MYO5A: variants seen among roughly 807,000 people sequenced by gnomAD.
The protein encoded by MYO5A is unconventional myosin-Va.
In MYO5A, 98 loss-of-function variants were observed where a neutral mutation model predicts 249.7. That is an observed-to-expected ratio of 0.39 (90% confidence interval 0.33 to 0.46). The LOEUF is 0.46. Ranked by LOEUF, MYO5A falls within the 20% of genes least tolerant of loss-of-function variation. The probability of loss-of-function intolerance (pLI) is 0.98; values close to 1 mark genes in which losing one functional copy is unlikely to be tolerated. For missense variants in MYO5A, 1,696 were observed against 2,308.8 expected, an observed-to-expected ratio of 0.73 and a Z score of 5.44; for synonymous variants, 778 against 810.6, an observed-to-expected ratio of 0.96 and a Z score of 0.68.
chr15:52,463,270 T>C (rs1164753163), intron 1 of MYO5A, among the ~76,000 whole-genome samples: 5 of 152,214 alleles, frequency 3.3e-5, no homozygotes, highest in Non-Finnish European at 5.9e-5. Flanking sequence ...GACCACACTT[T>C]CTTCATCAAG....
intron 7 of MYO5A, 112 bp from the exon 8 acceptor site, chr15:52,407,511 A>C: frequency 1.7e-6 from 1 of 581,940 alleles, no homozygotes; most frequent in Non-Finnish European, 3.1e-6. Flanking sequence ...TACAGCATCT[A>C]GAGTTTGACT....
At chr15:52,410,904 CT>C (rs2043219812) in intron 5 of MYO5A, among the ~76,000 whole-genome samples, 1 of 152,202 alleles carries the variant, frequency 6.6e-6, no homozygotes, top group Non-Finnish European at 1.5e-5. Flanking sequence ...AACAGAACCA[CT>C]TTTGCCACTG....
intron 1 of MYO5A, among the ~76,000 whole-genome samples, chr15:52,450,496 G>A (rs1168546713): frequency 6.6e-6 from 1 of 151,546 alleles, no homozygotes; most frequent in Non-Finnish European, 1.5e-5. Flanking sequence ...GTGAAACCCT[G>A]TCTCTACCAA....
At position 52,527,513 on chromosome 15, in the gene MYO5A, A is replaced by T. The variant is rs567897991; in HGVS notation, c.27+1267T>A. On this transcript the variant is annotated intron_variant, in intron 1 of 41. Coordinates refer to ENST00000399233, the MANE Select transcript of MYO5A (RefSeq NM_001382347.1). Reference sequence around the variant, plus strand: ...AGCTCATTTCATGGTTGAAGAAATTAATCATATATCTCATATTTGCAGAGA... The same window carrying T: ...AGCTCATTTCATGGTTGAAGAAATTTATCATATATCTCATATTTGCAGAGA... Among the ~76,000 whole-genome samples the T allele has an allele frequency of 5.3e-5, 8 of 152,344 alleles. No homozygotes were observed. In the South Asian group the frequency reaches 1.7e-3, roughly 32 times the overall value.
chr15:52,348,531 C>G (rs1389913977), intron 29 of MYO5A, among the ~76,000 whole-genome samples: 1 of 152,200 alleles, frequency 6.6e-6, no homozygotes, highest in Non-Finnish European at 1.5e-5. Flanking sequence ...GCTTCCCTCC[C>G]CAGCCTGTGG....
Position 52,360,466 on chromosome 15 carries a change from C to G in MYO5A, c.3310-385G>C, listed in dbSNP as rs555415740. Among the ~76,000 whole-genome samples the G allele has an allele frequency of 2.0e-5, 3 of 152,266 alleles. No homozygotes were observed. In the East Asian group the frequency reaches 5.8e-4, roughly 29 times the overall value. On this transcript the variant is annotated intron_variant, in intron 24 of 41. Transcript: ENST00000399233. ...ATAATCAAATAAAACTTACAAAAAC[C>G]TCATAAAATATATTGAAATGGCATG...
intron 25 of MYO5A, among the ~76,000 whole-genome samples, chr15:52,358,214 C>A (rs1308509572): frequency 6.6e-6 from 1 of 152,212 alleles, no homozygotes; most frequent in Non-Finnish European, 1.5e-5. Context: ...TGGTTTCCGG[C>A]AAGCACACCC....
At chr15:52,490,681 T>C (rs951459948) in intron 1 of MYO5A, among the ~76,000 whole-genome samples, 1 of 152,138 alleles carries the variant, frequency 6.6e-6, no homozygotes, top group Non-Finnish European at 1.5e-5. Flanking sequence ...TTTTGCAAGA[T>C]GAAGAGTTTT....
chr15:52,427,417 G>A (rs12898655), intron 3 of MYO5A, among the ~76,000 whole-genome samples: 62,869 of 151,280 alleles, frequency 0.42, 15,481 homozygotes, highest in Non-Finnish European at 0.53. Flanking sequence ...AGGAAAAGAA[G>A]GCAAAAAATA....
rs1007245956 is a variant in MYO5A at position 52,351,516 on chromosome 15, C to T, written c.3622-35G>A. ...AAGACAAAGAAAAGTTCATTGCTGT[C>T]ATCCTCAACTTTACGTTGGATGCTC... On this transcript the variant is annotated intron_variant, in intron 27 of 41. Coordinates refer to ENST00000399233, the MANE Select transcript of MYO5A (RefSeq NM_001382347.1). 5.7e-6 allele frequency: 9 copies of T among 1,585,552 alleles called. No homozygotes were observed. In the Admixed American group the frequency reaches 1.5e-4, roughly 26 times the overall value.
intron 31 of MYO5A, among the ~76,000 whole-genome samples, chr15:52,342,372 G>T (rs576335827): frequency 1.3e-5 from 2 of 152,106 alleles, no homozygotes; most frequent in East Asian, 3.9e-4. Context: ...AAAAAGAAAA[G>T]AAAAATGTAG....
chr15:52,431,204 C>A (rs933500963), intron 2 of MYO5A, among the ~76,000 whole-genome samples: 2 of 110,290 alleles, frequency 1.8e-5, no homozygotes, highest in South Asian at 2.8e-4. Flanking sequence ...AATACTCCAG[C>A]CTGGGTGACA....
At chr15:52,338,464 C>T (rs1799870077) in intron 32 of MYO5A, among the ~76,000 whole-genome samples, 1 of 152,038 alleles carries the variant, frequency 6.6e-6, no homozygotes, top group Admixed American at 6.6e-5. Context: ...GGTAGAGTTT[C>T]AAGAGCACTA....
intron 20 of MYO5A, among the ~76,000 whole-genome samples, chr15:52,372,910 T>C (rs1236738105): frequency 4.0e-5 from 6 of 151,836 alleles, no homozygotes; most frequent in Non-Finnish European, 7.4e-5. Flanking sequence ...AAACTGTCTG[T>C]AGAGGCCAAC....
chr15:52,473,161 T>C (rs2141459295), intron 1 of MYO5A, among the ~76,000 whole-genome samples: 1 of 152,366 alleles, frequency 6.6e-6, no homozygotes, highest in East Asian at 1.9e-4. Context: ...GAGCATTTTT[T>C]CATGTGTCTG....
intron 4 of MYO5A, among the ~76,000 whole-genome samples, chr15:52,420,182 G>A (rs776040032): frequency 1.3e-5 from 2 of 152,024 alleles, no homozygotes; most frequent in East Asian, 1.9e-4. Flanking sequence ...GCATATGCCT[G>A]TAGTCCTAAC....
At chr15:52,330,602 C>T in intron 34 of MYO5A, 103 bp from the exon 35 acceptor site, 1 of 1,396,172 alleles carries the variant, frequency 7.2e-7, no homozygotes, top group South Asian at 1.2e-5. Context: ...ACAACCGAAA[C>T]TTGCCATATT....
intron 11 of MYO5A, among the ~76,000 whole-genome samples, chr15:52,396,102 G>A (rs776751598): frequency 2.6e-4 from 39 of 152,126 alleles, no homozygotes; most frequent in Non-Finnish European, 4.3e-4. Context: ...CCAAATTTTC[G>A]TTATTATCAG....
intron 3 of MYO5A, among the ~76,000 whole-genome samples, chr15:52,427,582 T>C (rs1164239488): frequency 1.3e-5 from 2 of 152,078 alleles, no homozygotes; most frequent in East Asian, 3.8e-4. Context: ...AAAGTTAGTA[T>C]CAATGATATA....
Sources: gnomAD v4.1 joint callset for allele counts (sites outside exome capture counted in the v4.1 genomes callset) on GRCh38, gnomAD v4.1.1 for gene constraint, MANE v1.5 for transcripts, NCBI Gene and HGNC (gene_info 2026-07-23, HGNC 2026-07-21) for gene names.